Variants in COL5A1 observed in about 807,000 individuals in gnomAD.
COL5A1 encodes collagen type V alpha 1 chain, also known as collagen alpha-1(V) chain.
A neutral mutation model predicts 263.7 loss-of-function variants in COL5A1; 16 were observed. The ratio of observed to expected loss-of-function variants is 0.06; its 90% CI spans 0.04 to 0.09. The LOEUF (loss-of-function observed/expected upper bound fraction) is 0.09. Ranked by LOEUF, COL5A1 falls within the 10% of genes least tolerant of loss-of-function variation. The pLI is 1.00. For missense variants in COL5A1, 2,036 were observed against 2,540.5 expected (o/e 0.80, Z 4.27); for synonymous variants, 1,012 against 1,004.5 (o/e 1.01, Z -0.14).
chr9:134,826,719 G>GTGTA (rs148921347), intron 63 of COL5A1, among the ~76,000 whole-genome samples: 103,832 of 147,154 alleles, frequency 0.71, 36,388 homozygotes, highest in South Asian at 0.8. Flanking sequence ...GGGTGTGTGG[G>GTGTA]TGGTGTGTGG....
intron 27 of COL5A1, among the ~76,000 whole-genome samples, chr9:134,779,732 T>G (rs980502235): frequency 6.6e-6 from 1 of 152,202 alleles, no homozygotes; most frequent in Non-Finnish European, 1.5e-5. Flanking sequence ...CACCTCCTGC[T>G]TCCTCCCCAA....
chr9:134,829,967 C>T lies in COL5A1; in HGVS notation c.5068-9C>T, dbSNP rs572218532. 76 of 1,612,666 alleles carry T rather than the reference C, an allele frequency of 4.7e-5. No homozygotes were observed. The South Asian group carries it at 7.9e-4, about 17-fold the overall frequency. On this transcript the variant is annotated splice_polypyrimidine_tract_variant and intron_variant, in intron 63 of 65. Transcript: ENST00000371817. ...TCTCTCCCTCCCCACCTCCCCGCTG[C>T]ATGTTTAGGCCAGAATCACTTCTTG...
At chr9:134,750,253 AG>A (rs1425032385) in intron 11 of COL5A1, among the ~76,000 whole-genome samples, 1 of 152,126 alleles carries the variant, frequency 6.6e-6, no homozygotes, top group Admixed American at 6.5e-5. Context: ...CTCTGCCTTG[AG>A]GCCCCAGAGG....
chr9:134,718,533 C>T (rs1032289568), intron 4 of COL5A1, among the ~76,000 whole-genome samples: 7 of 152,196 alleles, frequency 4.6e-5, no homozygotes, highest in Admixed American at 3.9e-4. Context: ...GGGCTCAGCC[C>T]GGGAAGCCAA....
intron 1 of COL5A1, among the ~76,000 whole-genome samples, chr9:134,658,989 G>A (rs1832119257): frequency 6.6e-6 from 1 of 152,220 alleles, no homozygotes; most frequent in African/African-American, 2.4e-5. Flanking sequence ...CCTTCACACT[G>A]TGTTTTATCC....
At chr9:134,780,316 G>A (rs1300904404) in intron 28 of COL5A1, among the ~76,000 whole-genome samples, 170 bp downstream of exon 28, 4 of 152,166 alleles carry the variant, frequency 2.6e-5, no homozygotes, top group South Asian at 2.1e-4. Flanking sequence ...GTTTGCAGAC[G>A]GAAGAAGAGT....
At chr9:134,791,984 C>A (rs1277320561) in intron 32 of COL5A1, among the ~76,000 whole-genome samples, 1 of 152,150 alleles carries the variant, frequency 6.6e-6, no homozygotes, top group African/African-American at 2.4e-5. Flanking sequence ...AGGGTCTGAC[C>A]CAGAAGGTCC....
chr9:134,781,519 C>T (rs1837255159), intron 28 of COL5A1, among the ~76,000 whole-genome samples: 1 of 152,250 alleles, frequency 6.6e-6, no homozygotes, highest in Non-Finnish European at 1.5e-5. Context: ...AAGGTGGCTT[C>T]ACAGAGTCCA....
chr9:134,726,451 T>C (rs1044371933), intron 4 of COL5A1, among the ~76,000 whole-genome samples: 3 of 151,956 alleles, frequency 2.0e-5, no homozygotes, highest in Admixed American at 6.6e-5. Flanking sequence ...GATGGATGAA[T>C]GGATGAGTGG....
chr9:134,819,895 CCTGT>C (rs1396075842), intron 57 of COL5A1, among the ~76,000 whole-genome samples: 2 of 152,184 alleles, frequency 1.3e-5, no homozygotes, highest in Non-Finnish European at 2.9e-5. Context: ...TCTGTGGCTC[CCTGT>C]CTGTTTTTAG....
intron 18 of COL5A1, among the ~76,000 whole-genome samples, chr9:134,759,205 C>A (rs539877583): frequency 4.0e-5 from 6 of 148,726 alleles, no homozygotes; most frequent in Non-Finnish European, 8.8e-5. Flanking sequence ...GAGTGCACAC[C>A]CCCCATGCAC....
At chr9:134,750,661 G>A in intron 12 of COL5A1, 45 bp downstream of exon 12, 3 of 1,606,658 alleles carry the variant, frequency 1.9e-6, no homozygotes, top group Non-Finnish European at 1.7e-6. Context: ...GCTGGGGCAG[G>A]TGGGATCCAA....
chr9:134,744,744 T>A (rs1835435154), intron 11 of COL5A1, among the ~76,000 whole-genome samples: 1 of 150,454 alleles, frequency 6.6e-6, no homozygotes, highest in South Asian at 2.1e-4. Flanking sequence ...CTCACACACC[T>A]GCACACACAT....
At chr9:134,781,881 C>T (rs931042400) in intron 28 of COL5A1, among the ~76,000 whole-genome samples, 28 of 152,326 alleles carry the variant, frequency 1.8e-4, no homozygotes, top group African/African-American at 5.8e-4. Context: ...CCAGCCGGGC[C>T]TTGAATGTTT....
chr9:134,651,215 G>T (rs1213735919), intron 1 of COL5A1, among the ~76,000 whole-genome samples: 1 of 152,216 alleles, frequency 6.6e-6, no homozygotes, highest in Admixed American at 6.5e-5. Context: ...GGCACCATCT[G>T]GTGGCCTCTT....
At chr9:134,645,414 A>G (rs1036548173) in intron 1 of COL5A1, among the ~76,000 whole-genome samples, 1 of 152,206 alleles carries the variant, frequency 6.6e-6, no homozygotes, top group East Asian at 1.9e-4. Context: ...TGTGCAGAGC[A>G]GTGAGCTGCC....
chr9:134,795,351 A>T (rs1421639585), intron 34 of COL5A1, 36 bp downstream of exon 34: 1 of 1,605,112 alleles, frequency 6.2e-7, no homozygotes, highest in Admixed American at 1.7e-5. Context: ...GGGCGGCGTG[A>T]ACCCAAGTTG....
Position 134,820,544 on chromosome 9 carries a change from T to C in COL5A1, c.4554+321T>C, listed in dbSNP as rs4842171. ...TGGTTCCCAGCCCTGTGGGAGAGCC[T>C]GTCACCCACCGCTTGCCCAGGAGGT... On this transcript the variant is annotated intron_variant, in intron 58 of 65. Coordinates refer to ENST00000371817, the MANE Select transcript of COL5A1 (RefSeq NM_000093.5). 0.55 allele frequency among the ~76,000 whole-genome samples: 83,604 copies of C among 152,012 alleles called. 23,583 individuals carry two copies. Among genetic ancestry groups the C allele is most frequent in the African/African-American group, 0.69 (28,520 of 41,456 alleles).
chr9:134,812,406 A>G, intron 46 of COL5A1, 43 bp from the exon 47 acceptor site: 1 of 1,604,412 alleles, frequency 6.2e-7, no homozygotes, highest in Non-Finnish European at 8.5e-7. Flanking sequence ...TTTGACATAC[A>G]CATGACAGAA....
Sources: allele counts gnomAD v4.1 joint callset (sites outside exome capture counted in the v4.1 genomes callset), GRCh38; gene constraint gnomAD v4.1.1; transcripts MANE v1.5; gene names NCBI Gene and HGNC (gene_info 2026-07-23, HGNC 2026-07-21).